The following CLEC12A variants were observed in gnomAD, a reference collection of about 807,000 sequenced individuals.
CLEC12A encodes C-type lectin domain family 12 member A.
In CLEC12A, 22 loss-of-function variants were observed where a neutral mutation model predicts 26.5. The observed-to-expected ratio is 0.83, with a 90% confidence interval of 0.59 to 1.19. CLEC12A has a LOEUF of 1.19. CLEC12A is among the 50% of genes most tolerant of loss of function. The pLI is 0.00. For synonymous variants in CLEC12A, 119 were observed against 101.9 expected, an observed-to-expected ratio of 1.17 and a Z score of -1.01; for missense variants, 353 against 315.6, an observed-to-expected ratio of 1.12 and a Z score of -0.90.
upstream of CLEC12A, among the ~76,000 whole-genome samples, chr12:9,967,262 A>G (rs1001852024): frequency 4.4e-5 from 6 of 137,732 alleles, no homozygotes; most frequent in Admixed American, 2.3e-4. Context: ...GATGAGTTGC[A>G]TTGGGAACAG....
downstream of CLEC12A, among the ~76,000 whole-genome samples, chr12:9,998,793 C>T (rs1865115864): frequency 6.6e-6 from 1 of 152,138 alleles, no homozygotes; most frequent in Non-Finnish European, 1.5e-5. Flanking sequence ...CCCTTGACTT[C>T]TATGCCCTCG....
downstream of CLEC12A, chr12:9,998,185 C>G: frequency 3.3e-6 from 3 of 906,868 alleles, no homozygotes; most frequent in Admixed American, 1.8e-5. Flanking sequence ...AAGTGATAAA[C>G]AGACAAATAG....
rs979907820 is a variant in CLEC12A, at chr12:9,984,040, T to C, written c.642-830T>C. 2.1e-5 allele frequency: 6 copies of C among 292,480 alleles called. 1 individual carries two copies. Among genetic ancestry groups the C allele is most frequent in the South Asian group, 1.5e-4 (5 of 32,456 alleles). The allele number at this position is 292,480 out of a possible 1,614,324, so 18.1% of individuals were successfully genotyped here. A position where few individuals can be genotyped will look rare whatever the true frequency, so the allele number is the denominator to read the frequency against. Reference sequence around the variant, plus strand: ...GTAATCTATAATGGAATGGAAAACATTGTAGATATTTTCAGTTATCAAAAA... The same window carrying C: ...GTAATCTATAATGGAATGGAAAACACTGTAGATATTTTCAGTTATCAAAAA... On this transcript the variant is annotated intron_variant, in intron 5 of 5. Transcript: ENST00000304361.
In CLEC12A at chr12:9,984,984, C is replaced by T; in HGVS notation, c.756C>T (p.Ala252=). The T allele has an allele frequency of 2.6e-6, 4 of 1,545,826 alleles. No homozygotes were observed. The highest frequency in any genetic ancestry group is 3.5e-6 in the Non-Finnish European group (4 of 1,144,242). ...YKKRMICEKM[A]NPVQLGSTYF... ...AAAGAATGATATGTGAGAAGATGGCCAATCCAGTGCAGCTTGGTTCTACAT... is the reference window on the plus strand; with the variant it reads ...AAAGAATGATATGTGAGAAGATGGCTAATCCAGTGCAGCTTGGTTCTACAT... Residue 252 remains alanine (A), a synonymous_variant, in exon 6 of 6, where the codon GCC becomes GCT. Coordinates refer to ENST00000304361, the MANE Select transcript of CLEC12A (RefSeq NM_138337.6).
At chr12:9,972,510 G>A (rs887186916) in intron 1 of CLEC12A, among the ~76,000 whole-genome samples, 21 of 152,140 alleles carry the variant, frequency 1.4e-4, no homozygotes, top group Non-Finnish European at 2.5e-4. Flanking sequence ...TTAAATCAGT[G>A]TATTTGAGTT....
At chr12:9,988,159 A>G (rs929266196), downstream of CLEC12A, among the ~76,000 whole-genome samples, 6 of 152,192 alleles carry the variant, frequency 3.9e-5, no homozygotes, top group African/African-American at 1.4e-4. Flanking sequence ...TGTAGCTCCC[A>G]TAATTCAACA....
intron 4 of CLEC12A, among the ~76,000 whole-genome samples, chr12:9,981,746 C>T (rs650368): frequency 0.59 from 90,060 of 151,868 alleles, 27,310 homozygotes; most frequent in East Asian, 0.84. Context: ...TAATCTTGAA[C>T]TTGTCATTGT....
At chr12:9,966,335 T>C (rs1215798574) in intron 1 of CLEC12A, among the ~76,000 whole-genome samples, 2 of 152,138 alleles carry the variant, frequency 1.3e-5, no homozygotes, top group African/African-American at 4.8e-5. Context: ...CAGTCTTCAG[T>C]TGTTAAGCCG....
downstream of CLEC12A, among the ~76,000 whole-genome samples, chr12:9,989,024 T>C (rs964575998): frequency 2.0e-5 from 3 of 152,122 alleles, no homozygotes; most frequent in East Asian, 1.9e-4. Context: ...CATGGAATAC[T>C]ATGCAGCCAT....
chr12:9,986,127 C>T (rs1027195276), downstream of CLEC12A: 15 of 455,372 alleles, frequency 3.3e-5, no homozygotes, highest in African/African-American at 3.0e-4. Context: ...AGCCACATCT[C>T]TGATCTTCAA....
intron 1 of CLEC12A, among the ~76,000 whole-genome samples, chr12:9,977,263 T>G (rs1158356167): frequency 6.6e-6 from 1 of 152,170 alleles, no homozygotes; most frequent in Non-Finnish European, 1.5e-5. Context: ...TAGTCAAACT[T>G]CTGTTCTCTT....
chr12:9,964,075 A>G (rs1863885360), intron 1 of CLEC12A, among the ~76,000 whole-genome samples: 1 of 152,240 alleles, frequency 6.6e-6, no homozygotes, highest in East Asian at 1.9e-4. Context: ...ATAAAGGAGC[A>G]GCCACAGGAA....
intron 1 of CLEC12A, among the ~76,000 whole-genome samples, chr12:9,973,499 A>G (rs80042268): frequency 0.058 from 8,751 of 152,060 alleles, 272 homozygotes; most frequent in Middle Eastern, 0.065. Context: ...AAACAAACAA[A>G]TAAAAACAAC....
At chr12:9,987,607 C>T (rs922790603), downstream of CLEC12A, among the ~76,000 whole-genome samples, 11 of 152,096 alleles carry the variant, frequency 7.2e-5, no homozygotes, top group Non-Finnish European at 1.2e-4. Flanking sequence ...CTTTATAGTA[C>T]TAGAAAGGGG....
the CLEC12A span, among the ~76,000 whole-genome samples, chr12:10,004,422 G>A: frequency 1.3e-5 from 2 of 152,160 alleles, no homozygotes; most frequent in African/African-American, 4.8e-5. Context: ...CTGGAAGGTG[G>A]ATGAAATGGG....
downstream of CLEC12A, among the ~76,000 whole-genome samples, chr12:10,000,240 G>T (rs575816985): frequency 2.0e-5 from 3 of 152,318 alleles, no homozygotes; most frequent in East Asian, 5.8e-4. Context: ...TATGTGGGCT[G>T]CAGTAGCAGA....
At chr12:9,990,698 G>T (rs1468281654) in intron 4 of CLEC12A, among the ~76,000 whole-genome samples, 2 of 152,174 alleles carry the variant, frequency 1.3e-5, no homozygotes, top group Non-Finnish European at 2.9e-5. Context: ...TGAGAGGACT[G>T]ACTTCAATTT....
At chr12:9,989,518 C>G (rs1268321708), downstream of CLEC12A, among the ~76,000 whole-genome samples, 1 of 152,180 alleles carries the variant, frequency 6.6e-6, no homozygotes, top group Non-Finnish European at 1.5e-5. Flanking sequence ...TAATCCAGAG[C>G]AAGGCCCTAA....
intron 1 of CLEC12A, among the ~76,000 whole-genome samples, chr12:9,961,768 C>T (rs899656883): frequency 6.6e-6 from 1 of 151,924 alleles, no homozygotes; most frequent in Admixed American, 6.6e-5. Context: ...AATATCAAAA[C>T]ACCAATTGAC....
Sources: gnomAD v4.1 joint callset for allele counts (sites outside exome capture counted in the v4.1 genomes callset) on GRCh38, gnomAD v4.1.1 for gene constraint, MANE v1.5 for transcripts, NCBI Gene and HGNC (gene_info 2026-07-23, HGNC 2026-07-21) for gene names.